The following MARCHF1 variants were observed in gnomAD, a reference collection of about 807,000 sequenced individuals.
The protein encoded by MARCHF1 is membrane associated ring-CH-type finger 1.
Under a neutral mutation model 54.2 loss-of-function variants are expected in MARCHF1, and 40 were observed. The observed-to-expected ratio is 0.74, with a 90% CI of 0.57 to 0.96. The LOEUF (loss-of-function observed/expected upper bound fraction) is 0.96, where lower values mean the gene tolerates loss of function less well. Ranked by LOEUF, MARCHF1 falls within the 40% of genes least tolerant of loss-of-function variation. The pLI, the probability that MARCHF1 is intolerant of heterozygous loss-of-function variation, is 0.00. For missense variants in MARCHF1, 586 were observed against 656.5 expected, an observed-to-expected ratio of 0.89 and a Z score of 1.17; for synonymous variants, 236 against 236.3, an observed-to-expected ratio of 1.00 and a Z score of 0.01.
chr4:164,189,201 C>A, intron 1 of MARCHF1: 1 of 560,988 alleles, frequency 1.8e-6, no homozygotes. Context: ...AGAAGACTGA[C>A]AAAGATGTCA....
intron 7 of MARCHF1, among the ~76,000 whole-genome samples, chr4:163,591,982 T>C (rs1740606443): frequency 6.6e-6 from 1 of 152,152 alleles, no homozygotes; most frequent in African/African-American, 2.4e-5. Flanking sequence ...TGTTTGCAGC[T>C]ACTCTTATTG....
intron 1 of MARCHF1, among the ~76,000 whole-genome samples, chr4:164,141,918 T>C (rs1212566751): frequency 1.5e-5 from 2 of 136,406 alleles, no homozygotes; most frequent in South Asian, 2.3e-4. Flanking sequence ...ACCGGGTTCA[T>C]CTCACTAGGG....
intron 1 of MARCHF1, among the ~76,000 whole-genome samples, chr4:164,210,105 C>T (rs1731721942): frequency 6.6e-6 from 1 of 152,068 alleles, no homozygotes; most frequent in Non-Finnish European, 1.5e-5. Flanking sequence ...AATAAAAAAG[C>T]ATTTAAACAC....
At chr4:164,016,976 A>C (rs1478388434) in intron 2 of MARCHF1, among the ~76,000 whole-genome samples, 2 of 152,040 alleles carry the variant, frequency 1.3e-5, no homozygotes, top group Admixed American at 1.3e-4. Flanking sequence ...ATTGGAAAAA[A>C]CCCTCATGAA....
chr4:163,612,234 T>C (rs1459085604), intron 7 of MARCHF1, 37 bp downstream of exon 7: 1 of 1,446,430 alleles, frequency 6.9e-7, no homozygotes, highest in East Asian at 2.5e-5. Flanking sequence ...AAGAACTATA[T>C]ATGGATGACA....
chr4:164,143,368 T>G (rs1212900151), intron 1 of MARCHF1, among the ~76,000 whole-genome samples: 2 of 144,580 alleles, frequency 1.4e-5, no homozygotes, highest in Non-Finnish European at 3.0e-5. Context: ...GACACATAAT[T>G]GTCAGATTCA....
chr4:164,198,854 T>G (rs936033681), intron 1 of MARCHF1, among the ~76,000 whole-genome samples: 1 of 152,146 alleles, frequency 6.6e-6, no homozygotes, highest in African/African-American at 2.4e-5. Flanking sequence ...TCCAGACAAA[T>G]AGAAATACAT....
rs551305429 is a variant in MARCHF1, at chr4:163,616,891, G to A, written c.163-3498C>T. Among the ~76,000 whole-genome samples the A allele has an allele frequency of 2.6e-5, 4 of 152,132 alleles. No homozygotes were observed. The South Asian group carries it at 8.3e-4, about 32-fold the overall frequency. The stretch of plus-strand genomic sequence containing the variant: ...AAAAATATTACTACCATATGATCCA[G>A]CAATCCCACTATACTGGGTATTTAT... On this transcript the variant is annotated intron_variant, in intron 5 of 9. Coordinates refer to ENST00000514618, the MANE Select transcript of MARCHF1 (RefSeq NM_001394959.1).
At chr4:163,575,466 G>A (rs934417475) in intron 8 of MARCHF1, among the ~76,000 whole-genome samples, 1 of 151,968 alleles carries the variant, frequency 6.6e-6, no homozygotes, top group African/African-American at 2.4e-5. Flanking sequence ...TAATTTTTTT[G>A]AGGATTTTTT....
At chr4:164,198,630 T>C (rs1032915897) in intron 1 of MARCHF1, among the ~76,000 whole-genome samples, 2 of 152,204 alleles carry the variant, frequency 1.3e-5, no homozygotes, top group African/African-American at 2.4e-5. Flanking sequence ...GATAAATTAA[T>C]ATAGTGTTCT....
At chr4:163,909,568 G>A (rs991205537) in intron 3 of MARCHF1, among the ~76,000 whole-genome samples, 1 of 152,178 alleles carries the variant, frequency 6.6e-6, no homozygotes, top group Non-Finnish European at 1.5e-5. Context: ...ATGCTTCATA[G>A]CACAATGCTA....
intron 4 of MARCHF1, among the ~76,000 whole-genome samples, chr4:163,718,360 A>G (rs1250853162): frequency 6.6e-6 from 1 of 152,260 alleles, no homozygotes; most frequent in Non-Finnish European, 1.5e-5. Context: ...ATCAGAGTGA[A>G]CAGGCAACCT....
At chr4:164,030,521 A>G (rs1457966626) in intron 2 of MARCHF1, among the ~76,000 whole-genome samples, 3 of 152,158 alleles carry the variant, frequency 2.0e-5, no homozygotes, top group African/African-American at 7.2e-5. Context: ...TGAAAGATTT[A>G]CTTTAACACA....
At chr4:163,674,080 C>T (rs1325008486) in intron 5 of MARCHF1, among the ~76,000 whole-genome samples, 1 of 152,124 alleles carries the variant, frequency 6.6e-6, no homozygotes, top group Non-Finnish European at 1.5e-5. Flanking sequence ...TTTTAAGCTC[C>T]TCTCCTTCAC....
intron 1 of MARCHF1, among the ~76,000 whole-genome samples, chr4:164,300,520 T>C (rs553264981): frequency 4.7e-4 from 72 of 152,238 alleles, no homozygotes; most frequent in African/African-American, 1.7e-3. Flanking sequence ...AAGGAAGACA[T>C]GCATGAAATC....
At chr4:163,531,696 T>TTAAG (rs973007588) in intron 9 of MARCHF1, among the ~76,000 whole-genome samples, 5 of 151,994 alleles carry the variant, frequency 3.3e-5, no homozygotes, top group African/African-American at 1.2e-4. Context: ...AAAGAACTGA[T>TTAAG]TAAGTTTTTT....
chr4:163,544,715 T>A (rs1248992227), intron 9 of MARCHF1, among the ~76,000 whole-genome samples: 1 of 152,242 alleles, frequency 6.6e-6, no homozygotes, highest in Non-Finnish European at 1.5e-5. Flanking sequence ...CCTCTCTTTT[T>A]TTGTTCTTTC....
intron 4 of MARCHF1, among the ~76,000 whole-genome samples, chr4:163,836,295 G>GA (rs1749181796): frequency 6.6e-6 from 1 of 150,488 alleles, no homozygotes; most frequent in Non-Finnish European, 1.5e-5. Context: ...ATCCAGGCTG[G>GA]AGTGCAGTGG....
At chr4:164,090,878 A>T (rs1045311683) in intron 2 of MARCHF1, among the ~76,000 whole-genome samples, 1 of 152,140 alleles carries the variant, frequency 6.6e-6, no homozygotes, top group Non-Finnish European at 1.5e-5. Flanking sequence ...AAACACCAGA[A>T]CTAAGGGCAG....
Sources: gnomAD v4.1 joint callset for allele counts (sites outside exome capture counted in the v4.1 genomes callset) on GRCh38, gnomAD v4.1.1 for gene constraint, MANE v1.5 for transcripts, NCBI Gene and HGNC (gene_info 2026-07-23, HGNC 2026-07-21) for gene names.